Variants in DMD observed in about 807,000 individuals in gnomAD.
The protein encoded by DMD is mutant dystrophin.
DMD carries 63 observed loss-of-function variants against 330.1 expected under a neutral mutation model. The observed-to-expected ratio is 0.19, with a 90% CI of 0.16 to 0.24. The LOEUF is 0.24. Among genes scored for constraint, DMD ranks in the 10% least tolerant of loss-of-function variants. The pLI is 1.00. For synonymous variants in DMD, 1,223 were observed against 959.8 expected (o/e 1.27, Z -5.07); for missense variants, 3,344 against 2,684.1 (o/e 1.25, Z -5.43).
At chrX:32,782,959 TACAC>T (rs1312209499) in intron 7 of DMD, among the ~76,000 whole-genome samples, 5 of 103,173 alleles carry the variant, frequency 4.8e-5, no homozygotes, top group Admixed American at 1.1e-4. Context: ...CACACACACA[TACAC>T]ACACACATAT....
At chrX:31,335,281 T>C (rs1202207991) in intron 61 of DMD, among the ~76,000 whole-genome samples, 2 of 112,491 alleles carry the variant, frequency 1.8e-5, no homozygotes, top group Admixed American at 1.9e-4. Flanking sequence ...CATTAACTCT[T>C]TCTGGACATT....
At chrX:31,438,675 G>A (rs1213696531) in intron 60 of DMD, among the ~76,000 whole-genome samples, 1 of 111,465 alleles carries the variant, frequency 9.0e-6, no homozygotes, top group Non-Finnish European at 1.9e-5. Context: ...CTTATCCCCA[G>A]TTAGTGATAG....
chrX:31,702,236 G>A (rs1445201632), intron 52 of DMD, among the ~76,000 whole-genome samples: 1 of 111,335 alleles, frequency 9.0e-6, no homozygotes, highest in Non-Finnish European at 1.9e-5. Context: ...ATTCTCTCTG[G>A]TGAGTTCATG....
chrX:32,867,716 T>C (rs191248598), intron 2 of DMD, among the ~76,000 whole-genome samples: 2 of 111,753 alleles, frequency 1.8e-5, no homozygotes, highest in African/African-American at 6.5e-5. Flanking sequence ...TGGTTTAAAA[T>C]ATCATTATCA....
chrX:32,444,072 C>T (rs111632011), intron 27 of DMD, among the ~76,000 whole-genome samples: 75 of 110,296 alleles, frequency 6.8e-4, no homozygotes, highest in African/African-American at 2.1e-3. Flanking sequence ...ACAGGGTATA[C>T]GACATCAAAG....
intron 44 of DMD, among the ~76,000 whole-genome samples, chrX:32,039,973 A>G (rs12688410): frequency 0.16 from 18,161 of 111,620 alleles, 1,320 homozygotes; most frequent in Non-Finnish European, 0.22. Context: ...TGTACCCTAT[A>G]TAAATATATA....
intron 29 of DMD, among the ~76,000 whole-genome samples, chrX:32,415,489 T>C (rs2098162805): frequency 8.9e-6 from 1 of 112,311 alleles, no homozygotes; most frequent in African/African-American, 3.2e-5. Context: ...AACATCTGAT[T>C]AGGCGCACCC....
intron 9 of DMD, among the ~76,000 whole-genome samples, chrX:32,661,823 C>G (rs1160839194): frequency 9.0e-6 from 1 of 111,299 alleles, no homozygotes; most frequent in Non-Finnish European, 1.9e-5. Flanking sequence ...TTCATTAGCA[C>G]AATGCCTTAA....
At chrX:31,482,206 A>T (rs191481176) in intron 57 of DMD, among the ~76,000 whole-genome samples, 16 of 95,463 alleles carry the variant, frequency 1.7e-4, no homozygotes, top group African/African-American at 5.6e-4. Context: ...AATATTAAAA[A>T]TGCAACATGA....
intron 57 of DMD, among the ~76,000 whole-genome samples, chrX:31,483,274 C>T (rs911335716): frequency 4.6e-5 from 5 of 109,488 alleles, no homozygotes; most frequent in Non-Finnish European, 9.5e-5. Flanking sequence ...TCTCCATCTC[C>T]CAACCTCGTG....
At chrX:31,293,596 C>T (rs1011950653) in intron 62 of DMD, among the ~76,000 whole-genome samples, 2 of 111,213 alleles carry the variant, frequency 1.8e-5, no homozygotes, top group African/African-American at 6.6e-5. Flanking sequence ...TGTTATGTCA[C>T]AGCCTCACCT....
In DMD at chrX:31,766,875, G is replaced by T. The variant is rs1433883615; in HGVS notation, c.7542+7085C>A. Among the ~76,000 whole-genome samples, 8 of 105,655 alleles carry T rather than the reference G, an allele frequency of 7.6e-5. No homozygotes were observed. In the East Asian group the frequency reaches 8.8e-4, roughly 12 times the overall value. The allele number at this position is 105,655 out of a possible 115,157, so 91.7% of individuals were successfully genotyped here. On this transcript the variant is annotated intron_variant, in intron 51 of 78. Transcript: ENST00000357033. ...TAGGAGACTTAGAAAATATGATTTT[G>T]TGTGTGTGTGTGTGTGTGTGTGTGT...
intron 1 of DMD, among the ~76,000 whole-genome samples, chrX:33,299,742 A>AT (rs747368382): frequency 8.9e-6 from 1 of 111,779 alleles, no homozygotes; most frequent in African/African-American, 3.2e-5. Context: ...TACTGCTGAT[A>AT]TTTTCGACTT....
chrX:31,912,439 G>T (rs1404214912), intron 47 of DMD, among the ~76,000 whole-genome samples: 1 of 111,352 alleles, frequency 9.0e-6, no homozygotes, highest in African/African-American at 3.3e-5. Context: ...ACTTTTTACA[G>T]GGAAAATGCT....
intron 48 of DMD, among the ~76,000 whole-genome samples, chrX:31,868,043 G>C (rs1212285982): frequency 9.0e-6 from 1 of 111,531 alleles, no homozygotes; most frequent in African/African-American, 3.3e-5. Context: ...CCCATAGGAA[G>C]TACTACGACA....
At chrX:31,826,434 G>A (rs1255326655) in intron 49 of DMD, among the ~76,000 whole-genome samples, 2 of 112,176 alleles carry the variant, frequency 1.8e-5, no homozygotes, top group Non-Finnish European at 3.8e-5. Context: ...TCAAGAGTTT[G>A]GTGTACTGTA....
chrX:33,267,784 A>G (rs1482197366), intron 1 of DMD, among the ~76,000 whole-genome samples: 1 of 111,258 alleles, frequency 9.0e-6, no homozygotes, highest in African/African-American at 3.3e-5. Flanking sequence ...CAAGGCTGGC[A>G]AAAACAAGCA....
intron 41 of DMD, among the ~76,000 whole-genome samples, chrX:32,335,423 TATATATG>T (rs1418579685): frequency 1.3e-4 from 14 of 104,939 alleles, no homozygotes; most frequent in Non-Finnish European, 5.8e-5. Context: ...ATAACTTGTA[TATATATG>T]TTATATATGG....
At chrX:31,148,668 G>A (rs929256254) in intron 74 of DMD, among the ~76,000 whole-genome samples, 2 of 111,703 alleles carry the variant, frequency 1.8e-5, no homozygotes, top group Non-Finnish European at 3.8e-5. Context: ...ATTTACTCTC[G>A]CTTCAGTAGT....
Sources: gnomAD v4.1 joint callset for allele counts (sites outside exome capture counted in the v4.1 genomes callset) on GRCh38, gnomAD v4.1.1 for gene constraint, MANE v1.5 for transcripts, NCBI Gene and HGNC (gene_info 2026-07-23, HGNC 2026-07-21) for gene names.